The following PXDNL variants were observed in gnomAD, a reference collection of about 807,000 sequenced individuals.
The protein encoded by PXDNL is peroxidasin like.
A neutral mutation model predicts 150.8 loss-of-function variants in PXDNL; 145 were observed. The ratio of observed to expected loss-of-function variants is 0.96; its 90% CI spans 0.84 to 1.10. The LOEUF is 1.10. Among genes scored for constraint, PXDNL ranks in the 50% least tolerant of loss-of-function variants. The probability of loss-of-function intolerance (pLI) is 0.00; values close to 1 mark genes in which losing one functional copy is unlikely to be tolerated. For missense variants in PXDNL, 2,087 were observed against 1,873.9 expected (o/e 1.11, Z -2.10); for synonymous variants, 757 against 725.7 (o/e 1.04, Z -0.69).
chr8:51,548,473 T>A (rs1812412130), intron 4 of PXDNL, among the ~76,000 whole-genome samples: 1 of 152,294 alleles, frequency 6.6e-6, no homozygotes, highest in South Asian at 2.1e-4. Context: ...GGAAAACTTA[T>A]CAGATTAGCA....
chr8:51,727,244 G>A (rs1425757556), intron 1 of PXDNL, among the ~76,000 whole-genome samples: 1 of 152,128 alleles, frequency 6.6e-6, no homozygotes, highest in Non-Finnish European at 1.5e-5. Context: ...GTACTAAAGA[G>A]CATGGCATTT....
At chr8:51,511,734 T>C (rs1811424317) in intron 4 of PXDNL, among the ~76,000 whole-genome samples, 1 of 151,304 alleles carries the variant, frequency 6.6e-6, no homozygotes, top group Non-Finnish European at 1.5e-5. Flanking sequence ...TCAAATGCAC[T>C]CCCCCCTTTC....
intron 17 of PXDNL, among the ~76,000 whole-genome samples, chr8:51,401,171 G>C (rs941860217): frequency 2.0e-5 from 3 of 152,166 alleles, no homozygotes; most frequent in Non-Finnish European, 2.9e-5. Flanking sequence ...AAAATGACCA[G>C]GGGTAGCAAG....
At chr8:51,486,778 ATATATATATATATATATTTTTTTTTTTTT>A (rs1300720676) in intron 5 of PXDNL, among the ~76,000 whole-genome samples, 3 of 10,906 alleles carry the variant, frequency 2.8e-4, no homozygotes, top group African/African-American at 7.2e-4. Context: ...ATATATATAT[ATATATATATATATATATTTTTTTTTTTTT>A]TTTTTTTTTT....
intron 4 of PXDNL, among the ~76,000 whole-genome samples, chr8:51,542,443 AATTAG>A (rs975556183): frequency 1.3e-5 from 2 of 151,886 alleles, no homozygotes; most frequent in Non-Finnish European, 2.9e-5. Flanking sequence ...GAGGTAATAG[AATTAG>A]ATTAGATCAC....
rs1223960216 is a variant in PXDNL at position 51,409,306 on chromosome 8, G to A, written c.2318C>T (p.Ser773Phe). The part of the protein sequence containing the change: ...APRGLGLPVG[S>F]RQPLPPPRLV... ...CCGGGGCGGCGGGAGGGGCTGGCGG[G>A]AGCCCACAGGAAGGCCGAGCCCGCG... The change falls in exon 17 of 23, where the codon TCC (serine) becomes TTC (phenylalanine). Residue 773 changes from serine (S) to phenylalanine (F), a missense_variant. Coordinates refer to ENST00000356297, the MANE Select transcript of PXDNL (RefSeq NM_144651.5). 7 of 1,421,634 alleles carry A rather than the reference G, an allele frequency of 4.9e-6. No individual in the cohort carries two copies. Among genetic ancestry groups the A allele is most frequent in the Non-Finnish European group, 5.5e-6 (6 of 1,095,124 alleles). 88.1% of individuals were successfully genotyped at this position (1,421,634 alleles called of 1,614,324 possible).
intron 9 of PXDNL, among the ~76,000 whole-genome samples, chr8:51,454,467 A>C (rs771067700): frequency 6.6e-6 from 1 of 152,226 alleles, no homozygotes; most frequent in Non-Finnish European, 1.5e-5. Context: ...AGTTACTTTC[A>C]GCTAAACGTA....
At chr8:51,447,636 T>C (rs1220618908) in intron 11 of PXDNL, among the ~76,000 whole-genome samples, 3 of 152,220 alleles carry the variant, frequency 2.0e-5, no homozygotes, top group Non-Finnish European at 4.4e-5. Context: ...ATCTACACAG[T>C]CAACCAGAGG....
chr8:51,583,722 T>C (rs118150564), intron 3 of PXDNL, among the ~76,000 whole-genome samples: 4,097 of 152,270 alleles, frequency 0.027, 75 homozygotes, highest in Non-Finnish European at 0.037. Flanking sequence ...TATTGTTGGA[T>C]GGATGAATAG....
At chr8:51,618,396 T>A (rs1420958521) in intron 2 of PXDNL, among the ~76,000 whole-genome samples, 2 of 152,218 alleles carry the variant, frequency 1.3e-5, no homozygotes, top group Non-Finnish European at 2.9e-5. Flanking sequence ...AGAATCAGGA[T>A]GCAGCTGCAA....
At chr8:51,786,209 A>G (rs1344259637) in intron 1 of PXDNL, among the ~76,000 whole-genome samples, 1 of 152,144 alleles carries the variant, frequency 6.6e-6, no homozygotes, top group Non-Finnish European at 1.5e-5. Context: ...TTTTTTAAGA[A>G]AACAATTTTT....
chr8:51,793,887 TCAACAA>T (rs555226011), intron 1 of PXDNL, among the ~76,000 whole-genome samples: 3 of 151,010 alleles, frequency 2.0e-5, no homozygotes, highest in Non-Finnish European at 4.4e-5. Flanking sequence ...CAAGACTCTG[TCAACAA>T]CAACAACAAC....
At chr8:51,465,670 T>C (rs759518204) in intron 8 of PXDNL, among the ~76,000 whole-genome samples, 1 of 152,074 alleles carries the variant, frequency 6.6e-6, no homozygotes, top group Non-Finnish European at 1.5e-5. Context: ...CACCAAAGCC[T>C]CCTAGAACTG....
chr8:51,398,162 C>T (rs1265472205), intron 17 of PXDNL, among the ~76,000 whole-genome samples: 2 of 152,184 alleles, frequency 1.3e-5, no homozygotes, highest in African/African-American at 4.8e-5. Flanking sequence ...GACTGGGGAG[C>T]CTGAGAAGAG....
At chr8:51,497,534 A>G (rs1811079704) in intron 5 of PXDNL, among the ~76,000 whole-genome samples, 1 of 151,964 alleles carries the variant, frequency 6.6e-6, no homozygotes, top group Non-Finnish European at 1.5e-5. Context: ...CAATCTACTC[A>G]TCTGACAAAG....
chr8:51,593,755 C>T (rs1214994407), intron 2 of PXDNL, among the ~76,000 whole-genome samples: 1 of 152,172 alleles, frequency 6.6e-6, no homozygotes, highest in Non-Finnish European at 1.5e-5. Context: ...ACCTATGGCA[C>T]CAGAGCCATT....
chr8:51,656,438 A>G (rs1182182911), intron 1 of PXDNL, among the ~76,000 whole-genome samples: 2 of 152,204 alleles, frequency 1.3e-5, no homozygotes, highest in Non-Finnish European at 2.9e-5. Context: ...TGTAAGCTAT[A>G]TGAGATCCTC....
At chr8:51,352,897 C>A (rs1294675710) in intron 19 of PXDNL, among the ~76,000 whole-genome samples, 1 of 152,084 alleles carries the variant, frequency 6.6e-6, no homozygotes, top group Non-Finnish European at 1.5e-5. Context: ...TGGGAGCTAA[C>A]AATGGGTACC....
rs753755918 is a variant in PXDNL at position 51,409,327 on chromosome 8, C to A, written c.2297G>T (p.Gly766Val). ...GCGGGAGCCCACAGGAAGGCCGAGC[C>A]CGCGGGGCGCGCGGATGCCGTCCCG... ...AYRDGIRAPR[G>V]LGLPVGSRQP... The change falls in exon 17 of 23, where the codon GGG (glycine) becomes GTG (valine). Residue 766 changes from glycine (G) to valine (V), a missense_variant. Coordinates refer to ENST00000356297, the MANE Select transcript of PXDNL (RefSeq NM_144651.5). 2.1e-6 allele frequency: 3 copies of A among 1,440,394 alleles called. No individual in the cohort carries two copies. The highest frequency in any genetic ancestry group is 1.8e-4 in the Middle Eastern group (1 of 5,486). The allele number at this position is 1,440,394 out of a possible 1,614,324, so 89.2% of individuals were successfully genotyped here. A position where few individuals can be genotyped will look rare whatever the true frequency, so the allele number is the denominator to read the frequency against.
Sources: gnomAD v4.1 joint callset for allele counts (sites outside exome capture counted in the v4.1 genomes callset) on GRCh38, gnomAD v4.1.1 for gene constraint, MANE v1.5 for transcripts, NCBI Gene and HGNC (gene_info 2026-07-23, HGNC 2026-07-21) for gene names.